Variants in ZNF385B observed in about 807,000 individuals in gnomAD.
ZNF385B encodes the protein zinc finger protein 533.
Under a neutral mutation model 39.2 loss-of-function variants are expected in ZNF385B, and 23 were observed. The ratio of observed to expected loss-of-function variants is 0.59; its 90% confidence interval spans 0.42 to 0.83. ZNF385B has a LOEUF of 0.83. Ranked by LOEUF, ZNF385B falls within the 40% of genes least tolerant of loss-of-function variation. The pLI, the probability that ZNF385B is intolerant of heterozygous loss-of-function variation, is 0.00. For synonymous variants in ZNF385B, 205 were observed against 222.6 expected, an observed-to-expected ratio of 0.92 and a Z score of 0.70; for missense variants, 552 against 598.9, an observed-to-expected ratio of 0.92 and a Z score of 0.82.
At chr2:179,483,640 C>A (rs997465851) in intron 5 of ZNF385B, among the ~76,000 whole-genome samples, 27 of 152,134 alleles carry the variant, frequency 1.8e-4, no homozygotes, top group African/African-American at 6.5e-4. Context: ...ATACAAAGGA[C>A]CTGCATCTTT....
At chr2:179,533,269 G>A (rs550270602) in intron 4 of ZNF385B, among the ~76,000 whole-genome samples, 1 of 152,194 alleles carries the variant, frequency 6.6e-6, no homozygotes, top group South Asian at 2.1e-4. Context: ...CTTTTCTGAG[G>A]GAACTGATGT....
chr2:179,705,549 G>A (rs991565275), intron 3 of ZNF385B, among the ~76,000 whole-genome samples: 1 of 152,164 alleles, frequency 6.6e-6, no homozygotes, highest in Non-Finnish European at 1.5e-5. Context: ...CACCTCACCT[G>A]TCTATTCTCT....
intron 3 of ZNF385B, among the ~76,000 whole-genome samples, chr2:179,754,533 T>C (rs920240026): frequency 6.6e-6 from 1 of 152,212 alleles, no homozygotes; most frequent in African/African-American, 2.4e-5. Flanking sequence ...GTACCTCTGG[T>C]AGAATTTGGC....
At chr2:179,466,915 C>CA (rs777679885) in intron 6 of ZNF385B, among the ~76,000 whole-genome samples, 4,359 of 26,860 alleles carry the variant, frequency 0.16, 1,185 homozygotes, top group African/African-American at 0.24. Flanking sequence ...GCAAGACTGT[C>CA]AAAAAAAAAA....
At chr2:179,502,203 G>A (rs2056827635) in intron 5 of ZNF385B, among the ~76,000 whole-genome samples, 1 of 152,186 alleles carries the variant, frequency 6.6e-6, no homozygotes, top group Non-Finnish European at 1.5e-5. Flanking sequence ...AGGTGGAAGG[G>A]ACTTGCCTTG....
intron 4 of ZNF385B, among the ~76,000 whole-genome samples, chr2:179,520,352 C>T (rs2058394776): frequency 6.6e-6 from 1 of 151,930 alleles, no homozygotes; most frequent in Non-Finnish European, 1.5e-5. Flanking sequence ...TGTTTAACTA[C>T]TAAATCTAAC....
At position 179,445,748 on chromosome 2, in the gene ZNF385B, A is replaced by T. The variant is rs1422316161; in HGVS notation, c.962-20T>A. ...TAGATCCTAAGACAGAAAGAGACAC[A>T]TATTAAATAGCTATCCAAGAATTAT... On this transcript the variant is annotated intron_variant, in intron 7 of 9. Coordinates refer to ENST00000410066, the MANE Select transcript of ZNF385B (RefSeq NM_152520.6). The T allele has an allele frequency of 1.5e-5, 24 of 1,572,910 alleles. No homozygotes were observed. The highest frequency in any genetic ancestry group is 2.1e-5 in the Non-Finnish European group (24 of 1,164,002).
At chr2:179,745,157 T>C (rs1702303575) in intron 3 of ZNF385B, among the ~76,000 whole-genome samples, 1 of 152,138 alleles carries the variant, frequency 6.6e-6, no homozygotes, top group African/African-American at 2.4e-5. Flanking sequence ...AGAAATTAAT[T>C]ACTGTTGGTT....
chr2:179,653,545 G>A (rs1693416787), intron 3 of ZNF385B, among the ~76,000 whole-genome samples: 1 of 152,098 alleles, frequency 6.6e-6, no homozygotes, highest in Non-Finnish European at 1.5e-5. Flanking sequence ...CCACATCTCT[G>A]TAAGTAGGTC....
chr2:179,561,954 C>G (rs1343071959), intron 3 of ZNF385B, among the ~76,000 whole-genome samples: 1 of 152,124 alleles, frequency 6.6e-6, no homozygotes, highest in Non-Finnish European at 1.5e-5. Flanking sequence ...AGGCTACCAG[C>G]CACTATTCTG....
intron 3 of ZNF385B, among the ~76,000 whole-genome samples, chr2:179,735,610 T>C (rs1343447035): frequency 6.8e-6 from 1 of 147,502 alleles, no homozygotes; most frequent in Admixed American, 6.7e-5. Flanking sequence ...TTATTCACAA[T>C]AGCAAAGACT....
intron 2 of ZNF385B, 54 bp from the exon 3 acceptor site, chr2:179,769,856 T>C: frequency 6.8e-7 from 1 of 1,471,502 alleles, no homozygotes; most frequent in Non-Finnish European, 9.2e-7. Flanking sequence ...CCTTATTTTC[T>C]AGTATGATTA....
intron 3 of ZNF385B, among the ~76,000 whole-genome samples, chr2:179,606,786 C>T (rs1222999958): frequency 6.6e-6 from 1 of 152,118 alleles, no homozygotes; most frequent in Non-Finnish European, 1.5e-5. Context: ...TCTATATTCT[C>T]ATTGCTAGGG....
intron 3 of ZNF385B, among the ~76,000 whole-genome samples, chr2:179,563,168 A>C (rs1279982408): frequency 6.6e-6 from 1 of 152,216 alleles, no homozygotes; most frequent in Non-Finnish European, 1.5e-5. Flanking sequence ...GTAAAATTGA[A>C]GTTATACAGG....
Position 179,769,483 on chromosome 2 carries a change from C to T in ZNF385B, c.298+20G>A, listed in dbSNP as rs770556398. The stretch of plus-strand genomic sequence containing the variant: ...CCATCTCTCCCCGCAGCACATGGAA[C>T]CCGGGACCCTGCCTCCTACCTGTGC... On this transcript the variant is annotated intron_variant, in intron 3 of 9. Coordinates refer to ENST00000410066, the MANE Select transcript of ZNF385B (RefSeq NM_152520.6). 11 of 1,612,000 alleles carry T rather than the reference C, an allele frequency of 6.8e-6. No homozygotes were observed. In the South Asian group the frequency reaches 1.2e-4, roughly 18 times the overall value.
chr2:179,505,014 T>G (rs1180919651), intron 5 of ZNF385B, among the ~76,000 whole-genome samples: 1 of 152,056 alleles, frequency 6.6e-6, no homozygotes, highest in Non-Finnish European at 1.5e-5. Context: ...CACTGTATAA[T>G]TCCATTTATA....
intron 1 of ZNF385B, among the ~76,000 whole-genome samples, chr2:179,807,326 G>A (rs116487311): frequency 3.4e-3 from 522 of 152,264 alleles, no homozygotes; most frequent in Non-Finnish European, 5.8e-3. Context: ...GGCTGGGCAC[G>A]GTGGCTCACA....
intron 1 of ZNF385B, among the ~76,000 whole-genome samples, chr2:179,840,976 C>T (rs536892954): frequency 6.6e-6 from 1 of 152,300 alleles, no homozygotes; most frequent in East Asian, 1.9e-4. Context: ...GAGAAGTTCC[C>T]TCTTTTCATA....
chr2:179,746,753 G>C (rs1702406408), intron 3 of ZNF385B, among the ~76,000 whole-genome samples: 1 of 151,904 alleles, frequency 6.6e-6, no homozygotes, highest in African/African-American at 2.4e-5. Context: ...TAAAATATAA[G>C]ATGCAAGAGC....
Sources: gnomAD v4.1 joint callset for allele counts (sites outside exome capture counted in the v4.1 genomes callset) on GRCh38, gnomAD v4.1.1 for gene constraint, MANE v1.5 for transcripts, NCBI Gene and HGNC (gene_info 2026-07-23, HGNC 2026-07-21) for gene names.